Variants in PPP2R3C observed in about 807,000 individuals in gnomAD.
The protein encoded by PPP2R3C is protein phosphatase 2 regulatory subunit B''gamma.
Under a neutral mutation model 63.7 loss-of-function variants are expected in PPP2R3C, and 47 were observed. The observed-to-expected ratio is 0.74, with a 90% CI of 0.58 to 0.94. PPP2R3C has a LOEUF of 0.94. Ranked by LOEUF, PPP2R3C falls within the 40% of genes least tolerant of loss-of-function variation. PPP2R3C has a pLI of 0.00. For synonymous variants in PPP2R3C, 180 were observed against 177.4 expected, an observed-to-expected ratio of 1.01 and a Z score of -0.12; for missense variants, 421 against 518.4, an observed-to-expected ratio of 0.81 and a Z score of 1.82.
chr14:35,088,212 C>G (rs149205753), intron 11 of PPP2R3C, among the ~76,000 whole-genome samples: 1 of 152,164 alleles, frequency 6.6e-6, no homozygotes, highest in Non-Finnish European at 1.5e-5. Context: ...GTGTATTGAC[C>G]TTTTTAGACC....
intron 11 of PPP2R3C, 33 bp downstream of exon 11, chr14:35,091,037 G>T: frequency 6.4e-7 from 1 of 1,570,122 alleles, no homozygotes. Context: ...ATATCTTAAG[G>T]AACAATGACT....
chr14:35,103,990 T>C (rs1388439462), intron 6 of PPP2R3C, among the ~76,000 whole-genome samples: 1 of 152,204 alleles, frequency 6.6e-6, no homozygotes. Flanking sequence ...AAAACAACTA[T>C]AGAAGTACAC....
chr14:35,104,057 G>GA (rs2046274795), intron 6 of PPP2R3C, among the ~76,000 whole-genome samples: 1 of 152,076 alleles, frequency 6.6e-6, no homozygotes, highest in Non-Finnish European at 1.5e-5. Context: ...TCCATCCATG[G>GA]AAAGAGGCAA....
chr14:35,089,793 G>A (rs1329524116), intron 11 of PPP2R3C, among the ~76,000 whole-genome samples: 7 of 151,928 alleles, frequency 4.6e-5, no homozygotes, highest in African/African-American at 9.7e-5. Flanking sequence ...AGCCTCCCGA[G>A]TAGCTGGGAC....
At chr14:35,114,933 G>A (rs1566426633) in intron 2 of PPP2R3C, among the ~76,000 whole-genome samples, 1 of 151,962 alleles carries the variant, frequency 6.6e-6, no homozygotes, top group East Asian at 1.9e-4. Flanking sequence ...GGCAGAGGTC[G>A]CAGTGAGCTG....
intron 11 of PPP2R3C, 133 bp downstream of exon 11, chr14:35,090,937 T>G (rs35447952): frequency 1.4e-5 from 10 of 719,178 alleles, no homozygotes; most frequent in Admixed American, 3.0e-5. Context: ...GGATGGTCTC[T>G]ATCTCCTGAC....
intron 6 of PPP2R3C, chr14:35,102,788 C>G (rs1052240325): frequency 6.6e-6 from 1 of 152,132 alleles, no homozygotes; most frequent in Admixed American, 6.6e-5. Flanking sequence ...AGAGATGGAG[C>G]CTTGCTCTGT....
rs1339706227 is a variant in PPP2R3C, at chr14:35,095,121, T to C, written c.902A>G (p.Tyr301Cys). Residue 301 changes from tyrosine to cysteine, a missense_variant, in exon 10 of 13, where the codon TAT becomes TGT. Tyr to Cys is a radical substitution (Grantham distance 194). Transcript: ENST00000261475. ...GACATTGGTCATGGTAGCTGTTCCA[T>C]AGCGTGAGAGTTCTTCTTTACTGAG... The part of the protein sequence containing the change: ...GMLSKEELSR[Y>C]GTATMTNVFL... 8 of 1,611,802 alleles carry C rather than the reference T, an allele frequency of 5.0e-6. No homozygotes were observed. The highest frequency in any genetic ancestry group is 2.7e-5 in the African/African-American group (2 of 74,880).
At chr14:35,093,236 CA>C (rs2045886646) in intron 10 of PPP2R3C, among the ~76,000 whole-genome samples, 2 of 151,022 alleles carry the variant, frequency 1.3e-5, no homozygotes, top group South Asian at 4.2e-4. Flanking sequence ...AACAACAAAA[CA>C]AAACAAAAAA....
rs182815563 is a variant in PPP2R3C at position 35,104,582 on chromosome 14, A to C, written c.573+2722T>G. On this transcript the variant is annotated intron_variant, in intron 6 of 12. Transcript: ENST00000261475. Reference sequence around the variant, plus strand: ...TAATTTAGATACCCATACTCAGAAGAAGCATAGCCATTTGGACCATGAAGT... The same window carrying C: ...TAATTTAGATACCCATACTCAGAAGCAGCATAGCCATTTGGACCATGAAGT... Among the ~76,000 whole-genome samples, 211 of 152,306 alleles carry C rather than the reference A, an allele frequency of 1.4e-3. 1 individual carries two copies. The highest frequency in any genetic ancestry group is 5.2e-3 in the Admixed American group (79 of 15,296).
At chr14:35,105,598 A>T (rs889755493) in intron 6 of PPP2R3C, among the ~76,000 whole-genome samples, 8 of 152,152 alleles carry the variant, frequency 5.3e-5, no homozygotes, top group African/African-American at 1.9e-4. Flanking sequence ...AAATAAAAAT[A>T]AAAAACCAAA....
chr14:35,095,851 CAAAAAAAAAA>C (rs59775301), intron 9 of PPP2R3C, among the ~76,000 whole-genome samples: 140 of 41,162 alleles, frequency 3.4e-3, no homozygotes, highest in African/African-American at 0.012. Flanking sequence ...ACTCTATCTC[CAAAAAAAAAA>C]AAAAAAAAAA....
intron 11 of PPP2R3C, among the ~76,000 whole-genome samples, chr14:35,089,658 A>AT (rs1195778261): frequency 6.9e-6 from 1 of 144,734 alleles, no homozygotes; most frequent in Non-Finnish European, 1.5e-5. Context: ...CTGGGGTATG[A>AT]TTTTTTAATT....
chr14:35,115,746 T>A (rs1030879306), intron 2 of PPP2R3C, among the ~76,000 whole-genome samples: 2 of 152,098 alleles, frequency 1.3e-5, no homozygotes, highest in Non-Finnish European at 2.9e-5. Flanking sequence ...CTCAGCCTCC[T>A]GAGTAGCTAG....
intron 10 of PPP2R3C, among the ~76,000 whole-genome samples, chr14:35,093,082 G>A (rs1175500562): frequency 6.6e-6 from 1 of 152,058 alleles, no homozygotes; most frequent in East Asian, 1.9e-4. Flanking sequence ...GCATGGTGGC[G>A]GGCGCCTGTA....
intron 1 of PPP2R3C, 148 bp downstream of exon 1, chr14:35,121,754 T>G: frequency 1.1e-6 from 1 of 886,682 alleles, no homozygotes; most frequent in Non-Finnish European, 1.7e-6. Context: ...TCGGGATCCT[T>G]AAACCACATT....
At chr14:35,091,971 C>T (rs1204557664) in intron 10 of PPP2R3C, among the ~76,000 whole-genome samples, 5 of 152,318 alleles carry the variant, frequency 3.3e-5, no homozygotes, top group Admixed American at 6.5e-5. Context: ...CCGCCTGCCC[C>T]GGCCTCCCAA....
At chr14:35,115,108 C>T (rs1393428223) in intron 2 of PPP2R3C, among the ~76,000 whole-genome samples, 1 of 151,480 alleles carries the variant, frequency 6.6e-6, no homozygotes, top group African/African-American at 2.4e-5. Flanking sequence ...GTAGCTGGGA[C>T]TACAGGCGAA....
At position 35,110,579 on chromosome 14, in the gene PPP2R3C, T is replaced by C. The variant is rs926856803; in HGVS notation, c.237A>G (p.Arg79=). The change falls in exon 3 of 13, where the codon AGA becomes AGG. Residue 79 remains arginine (R), a synonymous_variant. Coordinates refer to ENST00000261475, the MANE Select transcript of PPP2R3C (RefSeq NM_017917.4). ...VLLQKLREES[R]AVFLQRKSRE... Reference sequence around the variant, plus strand: ...TGCTTTTTCTTTGTAGAAAGACAGCTCTTGATTCCTCTCTTAATTTCTGTA... The same window carrying C: ...TGCTTTTTCTTTGTAGAAAGACAGCCCTTGATTCCTCTCTTAATTTCTGTA... 8 of 1,612,662 alleles carry C rather than the reference T, an allele frequency of 5.0e-6. No individual in the cohort carries two copies. The highest frequency in any genetic ancestry group is 5.9e-6 in the Non-Finnish European group (7 of 1,179,654).
Sources: gnomAD v4.1 joint callset for allele counts (sites outside exome capture counted in the v4.1 genomes callset) on GRCh38, gnomAD v4.1.1 for gene constraint, MANE v1.5 for transcripts, NCBI Gene and HGNC (gene_info 2026-07-23, HGNC 2026-07-21) for gene names.